Variants in SPPL2B observed in about 807,000 individuals in gnomAD.
SPPL2B encodes the protein signal peptide peptidase like 2B.
In SPPL2B, 39 loss-of-function variants were observed where a neutral mutation model predicts 59.7. That is an observed-to-expected ratio of 0.65 (90% CI 0.51 to 0.85). The LOEUF (loss-of-function observed/expected upper bound fraction) is 0.85, where lower values mean the gene tolerates loss of function less well. SPPL2B is among the 40% of genes least tolerant of loss of function. The pLI is 0.00. For missense variants in SPPL2B, 865 were observed against 849.0 expected, an observed-to-expected ratio of 1.02 and a Z score of -0.23; for synonymous variants, 419 against 370.8, an observed-to-expected ratio of 1.13 and a Z score of -1.49.
At chr19:2,349,056 C>T (rs1969709785) in intron 13 of SPPL2B, among the ~76,000 whole-genome samples, 2 of 140,378 alleles carry the variant, frequency 1.4e-5, no homozygotes, top group African/African-American at 5.5e-5. Context: ...CGCTCTCATT[C>T]GCTTGATTCC....
intron 3 of SPPL2B, chr19:2,337,836 C>T: frequency 1.8e-6 from 1 of 551,728 alleles, no homozygotes; most frequent in Non-Finnish European, 3.1e-6. Context: ...TCTTCCTGAG[C>T]TGCTGGCTGG....
At chr19:2,345,171 T>C (rs1207687229) in intron 12 of SPPL2B, 82 bp from the exon 13 acceptor site, 1 of 1,206,312 alleles carries the variant, frequency 8.3e-7, no homozygotes, top group Non-Finnish European at 1.2e-6. Flanking sequence ...CCACAGGTGC[T>C]CAGGTGCCCG....
At chr19:2,340,803 C>T in intron 7 of SPPL2B, 95 bp from the exon 8 acceptor site, 1 of 692,220 alleles carries the variant, frequency 1.4e-6, no homozygotes, top group Non-Finnish European at 2.4e-6. Flanking sequence ...GGCTGCCACT[C>T]TGCAGGGGGT....
At chr19:2,345,659 T>C (rs1421988336) in intron 13 of SPPL2B, among the ~76,000 whole-genome samples, 1 of 150,532 alleles carries the variant, frequency 6.6e-6, no homozygotes, top group Non-Finnish European at 1.5e-5. Context: ...CTCTTTCTCA[T>C]TCTCCCCGGG....
At chr19:2,337,772 C>A in intron 3 of SPPL2B, 147 bp downstream of exon 3, 1 of 815,538 alleles carries the variant, frequency 1.2e-6, no homozygotes, top group South Asian at 2.0e-5. Flanking sequence ...CGAGTGTGAA[C>A]ATGGGGAGGA....
Position 2,340,997 on chromosome 19 carries a change from C to A in SPPL2B, c.939C>A (p.Val313=), listed in dbSNP as rs969198016. Residue 313 remains valine, a synonymous_variant, in exon 8 of 15, where the codon GTC becomes GTA. Transcript: ENST00000613503. ...FCVAVSVVWG[V]FRNEDQWAWV... is the part of the protein sequence containing the mutation. ...TGGCCGTCAGCGTGGTGTGGGGCGT[C>A]TTCCGCAACGAGGACCAGTAAGTGC... The A allele has an allele frequency of 2.5e-6, 4 of 1,604,282 alleles. No homozygotes were observed. The African/African-American group carries it at 5.3e-5, about 21-fold the overall frequency.
At chr19:2,350,458 TCTCTCTCCACACACACTCA>T (rs1489415009) in intron 13 of SPPL2B, among the ~76,000 whole-genome samples, 254 of 145,896 alleles carry the variant, frequency 1.7e-3, no homozygotes, top group African/African-American at 6.1e-3. Context: ...GATTCCGTTC[TCTCTCTCCACACACACTCA>T]CGCTTTCATT....
chr19:2,337,666 G>A (rs958074154), intron 3 of SPPL2B, 41 bp downstream of exon 3: 3 of 1,499,284 alleles, frequency 2.0e-6, no homozygotes, highest in Non-Finnish European at 2.7e-6. Flanking sequence ...GCTCTCAGGG[G>A]CAGGAGGGGG....
chr19:2,339,928 C>T lies in SPPL2B; in HGVS notation c.704C>T (p.Ser235Phe), dbSNP rs1395221306. ...TGCGTGTTTGTGGTGATGTGCTGCT[C>T]CATGCTGGTGCTGCTCTACTATTTC... is the stretch of plus-strand genomic sequence containing the variant. ...MTCVFVVMCC[S>F]MLVLLYYFYD... The change falls in exon 6 of 15, where the codon TCC becomes TTC. Residue 235 changes from serine (S) to phenylalanine (F), a missense_variant. By Grantham distance (155) the Ser-to-Phe change is radical. Transcript: ENST00000613503. The T allele has an allele frequency of 6.4e-7, 1 of 1,564,318 alleles. No homozygotes were observed. Among genetic ancestry groups the T allele is most frequent in the Non-Finnish European group, 8.7e-7 (1 of 1,154,228 alleles).
chr19:2,337,476 C>G lies in SPPL2B; in HGVS notation c.220C>G (p.Leu74Val), dbSNP rs1165497812. 3.7e-6 allele frequency: 6 copies of G among 1,611,976 alleles called. No individual in the cohort carries two copies. The highest frequency in any genetic ancestry group is 5.1e-6 in the Non-Finnish European group (6 of 1,178,878). ...FLQLRNWTAS[L>V]LCSAADLPAR... ...GCAGCTGCGCAACTGGACGGCCTCC[C>G]TGCTCTGCTCCGCAGCCGACCTCCC... is the stretch of plus-strand genomic sequence containing the variant. Residue 74 changes from leucine to valine, a missense_variant, in exon 3 of 15, where the codon CTG (leucine) becomes GTG (valine). Physicochemically the swap from Leu to Val is conservative, Grantham distance 32. Transcript: ENST00000613503.
intron 7 of SPPL2B, 86 bp downstream of exon 7, chr19:2,340,258 G>A (rs1968948211): frequency 3.7e-6 from 4 of 1,077,102 alleles, no homozygotes; most frequent in South Asian, 3.2e-5. Context: ...CCCCCATGGT[G>A]CAATATTGCT....
chr19:2,341,575 G>A (rs1969058086), intron 8 of SPPL2B: 1 of 455,512 alleles, frequency 2.2e-6, no homozygotes, highest in African/African-American at 2.0e-5. Flanking sequence ...GACAGAGCTG[G>A]CCCGTCCCCG....
Position 2,340,110 on chromosome 19 carries a change from C to G in SPPL2B, c.777C>G (p.Ser259=). Residue 259 remains serine (S), a synonymous_variant, in exon 7 of 15, where the codon TCC becomes TCG. Transcript: ENST00000613503. The part of the protein sequence containing the change: ...YVVIGIFCLA[S]ATGLYSCLAP... ...TCATCGGGATCTTCTGCCTGGCCTC[C>G]GCCACCGGCCTCTACAGCTGCCTGG... The G allele has an allele frequency of 6.3e-7, 1 of 1,594,314 alleles. No individual in the cohort carries two copies. Among genetic ancestry groups the G allele is most frequent in the East Asian group, 2.3e-5 (1 of 44,422 alleles).
At position 2,338,793 on chromosome 19, in the gene SPPL2B, C is replaced by T. The variant is rs1262046238; in HGVS notation, c.411C>T (p.Gly137=). The T allele has an allele frequency of 1.2e-6, 2 of 1,613,484 alleles. No individual in the cohort carries two copies. The highest frequency in any genetic ancestry group is 1.7e-5 in the Admixed American group (1 of 59,988). The change falls in exon 4 of 15, where the codon GGC becomes GGT. Residue 137 remains glycine (G), a synonymous_variant. Transcript: ENST00000613503. ...GGNKTQYDEI[G]IPVALLSYKD... is the part of the protein sequence containing the mutation. The stretch of plus-strand genomic sequence containing the variant: ...ATAAGACGCAGTATGATGAGATTGG[C>T]ATTCCCGTGGCCCTGCTCAGCTACA...
In SPPL2B at chr19:2,345,314, C is replaced by T. The variant is rs370504186; in HGVS notation, c.1338C>T (p.Phe446=). 300 of 1,613,044 alleles carry T rather than the reference C, an allele frequency of 1.9e-4. No individual in the cohort carries two copies. Among genetic ancestry groups the T allele is most frequent in the Admixed American group, 3.2e-4 (19 of 59,976 alleles). Reference sequence around the variant, plus strand: ...AGGTACAGTCCTCCAGGGTATACTTCGTGGCCTGCACCATCGGTAAGTGCC... The same window carrying T: ...AGGTACAGTCCTCCAGGGTATACTTTGTGGCCTGCACCATCGGTAAGTGCC... ...DIQVQSSRVY[F]VACTIAYGVG... is the part of the protein sequence containing the mutation. Residue 446 remains phenylalanine (F), a synonymous_variant, in exon 13 of 15, where the codon TTC becomes TTT. Transcript: ENST00000613503.
intron 13 of SPPL2B, among the ~76,000 whole-genome samples, chr19:2,348,610 TTC>T (rs1158636762): frequency 2.8e-4 from 39 of 140,500 alleles, no homozygotes; most frequent in Admixed American, 1.6e-3. Context: ...CCTGATTCCA[TTC>T]TCTCTCTCCA....
chr19:2,338,853 C>T lies in SPPL2B; in HGVS notation c.459+12C>T. The T allele has an allele frequency of 6.2e-7, 1 of 1,611,444 alleles. No individual in the cohort carries two copies. The highest frequency in any genetic ancestry group is 8.5e-7 in the Non-Finnish European group (1 of 1,178,250). On this transcript the variant is annotated intron_variant, in intron 4 of 14. Coordinates refer to ENST00000613503, the MANE Select transcript of SPPL2B (RefSeq NM_152988.3). ...TGGACATCTTCACGGTAGGTCTGCG[C>T]CGGCTCAGACCCACGCTCCCGAGGA... is the stretch of plus-strand genomic sequence containing the variant.
At chr19:2,329,567 A>G (rs1968171061) in intron 1 of SPPL2B, among the ~76,000 whole-genome samples, 2 of 152,030 alleles carry the variant, frequency 1.3e-5, no homozygotes, top group African/African-American at 4.8e-5. Flanking sequence ...GGCTCAGGCA[A>G]TGGAACCTGG....
intron 8 of SPPL2B, chr19:2,342,443 G>A (rs1969111856): frequency 6.6e-6 from 1 of 152,290 alleles, no homozygotes; most frequent in African/African-American, 2.4e-5. Context: ...TTGAGGTCAG[G>A]AGTTTGAGAC....
Sources: gnomAD v4.1 joint callset for allele counts (sites outside exome capture counted in the v4.1 genomes callset) on GRCh38, gnomAD v4.1.1 for gene constraint, MANE v1.5 for transcripts, NCBI Gene and HGNC (gene_info 2026-07-23, HGNC 2026-07-21) for gene names.